PTPRT: variants seen among roughly 807,000 people sequenced by gnomAD.
PTPRT encodes protein tyrosine phosphatase receptor type T.
Under a neutral mutation model 176.8 loss-of-function variants are expected in PTPRT, and 56 were observed. The observed-to-expected ratio is 0.32, with a 90% CI of 0.26 to 0.40. The LOEUF is 0.40. Among genes scored for constraint, PTPRT ranks in the 10% least tolerant of loss-of-function variants. PTPRT has a pLI of 1.00. For synonymous variants in PTPRT, 783 were observed against 739.0 expected (o/e 1.06, Z -0.96); for missense variants, 1,540 against 1,908.2 (o/e 0.81, Z 3.60).
At chr20:42,342,737 C>G (rs928300605) in intron 11 of PTPRT, among the ~76,000 whole-genome samples, 1 of 152,158 alleles carries the variant, frequency 6.6e-6, no homozygotes, top group Non-Finnish European at 1.5e-5. Flanking sequence ...CCAGCAAAAC[C>G]CCTCTGTGAT....
At chr20:42,658,063 T>TCTAA (rs1036359195) in intron 7 of PTPRT, among the ~76,000 whole-genome samples, 1 of 152,286 alleles carries the variant, frequency 6.6e-6, no homozygotes, top group South Asian at 2.1e-4. Context: ...TGTACATATA[T>TCTAA]CTAACTGATT....
chr20:43,152,311 G>C (rs2014381572), intron 1 of PTPRT, among the ~76,000 whole-genome samples: 1 of 152,144 alleles, frequency 6.6e-6, no homozygotes, highest in South Asian at 2.1e-4. Flanking sequence ...TTTTCCCCTA[G>C]TATCTTTGTT....
At position 43,189,247 on chromosome 20, in the gene PTPRT, G is replaced by A. The variant is rs1055491329; in HGVS notation, c.88+399C>T. Reference sequence around the variant, plus strand: ...ACTAAAAGCGCGCGCTGCCCGAGGAGCTGCCCGGGAGAGAACGCTCCACCC... The same window carrying A: ...ACTAAAAGCGCGCGCTGCCCGAGGAACTGCCCGGGAGAGAACGCTCCACCC... On this transcript the variant is annotated intron_variant, in intron 1 of 30. Coordinates refer to ENST00000373187, the MANE Select transcript of PTPRT (RefSeq NM_007050.6). This position sits in a 1 kb window ranked among gnomAD's most constrained non-coding sequence, Gnocchi z 5.0. 1.4e-4 allele frequency among the ~76,000 whole-genome samples: 21 copies of A among 152,174 alleles called. No homozygotes were observed. Among genetic ancestry groups the A allele is most frequent in the African/African-American group, 4.6e-4 (19 of 41,466 alleles).
In PTPRT at chr20:43,137,351, T is replaced by G. The variant is rs546190713; in HGVS notation, c.88+52295A>C. Among the ~76,000 whole-genome samples, 25 of 152,332 alleles carry G rather than the reference T, an allele frequency of 1.6e-4. No homozygotes were observed. In the East Asian group the frequency reaches 4.8e-3, roughly 29 times the overall value. On this transcript the variant is annotated intron_variant, in intron 1 of 30. Transcript: ENST00000373187. ...TCTGCCTTTTTTTGTAAATAAAGTTTTATTTGAACACAGCCATGCCTACTA... is the reference window on the plus strand; with the variant it reads ...TCTGCCTTTTTTTGTAAATAAAGTTGTATTTGAACACAGCCATGCCTACTA...
chr20:43,114,021 A>C (rs1315116504), intron 1 of PTPRT, among the ~76,000 whole-genome samples: 3 of 152,236 alleles, frequency 2.0e-5, no homozygotes, highest in Non-Finnish European at 2.9e-5. Context: ...TATGTACATC[A>C]AACTATGGAT....
At chr20:42,509,855 G>A (rs1016328322) in intron 7 of PTPRT, among the ~76,000 whole-genome samples, 11 of 152,078 alleles carry the variant, frequency 7.2e-5, no homozygotes, top group African/African-American at 2.2e-4. Flanking sequence ...CTGGCGGGAA[G>A]TGTCTTGGTA....
chr20:42,571,359 A>C (rs2073149543), intron 7 of PTPRT, among the ~76,000 whole-genome samples: 1 of 152,214 alleles, frequency 6.6e-6, no homozygotes, highest in Admixed American at 6.5e-5. Flanking sequence ...GCCATGAGCC[A>C]AGGAATGCGT....
chr20:42,307,864 T>C (rs2057567222), intron 12 of PTPRT, among the ~76,000 whole-genome samples: 1 of 152,144 alleles, frequency 6.6e-6, no homozygotes. Context: ...ATGAAGATGT[T>C]GTTGATGAAA....
At chr20:43,160,201 T>G (rs1328872580) in intron 1 of PTPRT, among the ~76,000 whole-genome samples, 2 of 152,082 alleles carry the variant, frequency 1.3e-5, no homozygotes, top group Non-Finnish European at 2.9e-5. Flanking sequence ...CCACAACGGC[T>G]ATTTGTTTGG....
rs2075535501 is a variant in PTPRT at position 42,677,909 on chromosome 20, C to T, written c.1110G>A (p.Thr370=). 5.6e-6 allele frequency: 9 copies of T among 1,614,076 alleles called. No individual in the cohort carries two copies. Among genetic ancestry groups the T allele is most frequent in the African/African-American group, 1.3e-5 (1 of 75,032 alleles). Residue 370 remains threonine (T), a synonymous_variant, in exon 7 of 31, where the codon ACG becomes ACA. Transcript: ENST00000373187. ...VLLTRPGEGG[T]GPPGPPLTTR... is the part of the protein sequence containing the mutation. ...TGGTGAGGGGAGGCCCTGGCGGTCC[C>T]GTACCCCCCTCACCTGGTCGTGTGA...
intron 7 of PTPRT, among the ~76,000 whole-genome samples, chr20:42,642,789 T>C (rs922199621): frequency 5.9e-5 from 9 of 152,116 alleles, no homozygotes; most frequent in Non-Finnish European, 1.2e-4. Flanking sequence ...ACCAAAGTGA[T>C]ATTGATTGTG....
At chr20:42,932,664 T>C (rs1435719341) in intron 1 of PTPRT, among the ~76,000 whole-genome samples, 1 of 146,270 alleles carries the variant, frequency 6.8e-6, no homozygotes, top group Non-Finnish European at 1.5e-5. Flanking sequence ...CCCTGAATCC[T>C]GGCAAACCAC....
At chr20:42,388,384 A>G (rs2058765337) in intron 9 of PTPRT, among the ~76,000 whole-genome samples, 1 of 152,216 alleles carries the variant, frequency 6.6e-6, no homozygotes, top group African/African-American at 2.4e-5. Context: ...CATCTGACAA[A>G]GCGCTAATAT....
At chr20:42,219,286 T>A (rs552273993) in intron 15 of PTPRT, among the ~76,000 whole-genome samples, 2 of 152,210 alleles carry the variant, frequency 1.3e-5, no homozygotes, top group Non-Finnish European at 2.9e-5. Flanking sequence ...TTCTGCCTAC[T>A]GCTTCAAACA....
intron 7 of PTPRT, among the ~76,000 whole-genome samples, chr20:42,532,719 C>T (rs554306742): frequency 6.6e-6 from 1 of 152,228 alleles, no homozygotes; most frequent in Admixed American, 6.5e-5. Context: ...TTCTTTGTGT[C>T]ACAACCATAT....
Position 42,575,048 on chromosome 20 carries a change from T to TAGTA in PTPRT, c.1154-102490_1154-102487dup, listed in dbSNP as rs2073231746. Among the ~76,000 whole-genome samples, 5 of 152,274 alleles carry TAGTA rather than the reference T, an allele frequency of 3.3e-5. No homozygotes were observed. In the South Asian group the frequency reaches 1.0e-3, roughly 32 times the overall value. On this transcript the variant is annotated intron_variant, in intron 7 of 30. Transcript: ENST00000373187. ...TCTTTATAAATTACCCTGTCTCTGG[T>TAGTA]AGTATGTTTATAGTAGCGTGAGAAT... is the stretch of plus-strand genomic sequence containing the variant.
chr20:42,944,236 C>T (rs1055476461), intron 1 of PTPRT, among the ~76,000 whole-genome samples: 9 of 151,930 alleles, frequency 5.9e-5, no homozygotes, highest in Non-Finnish European at 8.8e-5. Flanking sequence ...AGCCGGGGGG[C>T]GGAAAGTGCT....
intron 12 of PTPRT, among the ~76,000 whole-genome samples, chr20:42,307,402 TTTG>T (rs1321683634): frequency 1.3e-5 from 2 of 152,116 alleles, no homozygotes; most frequent in Non-Finnish European, 2.9e-5. Flanking sequence ...CCAGTGAGAT[TTTG>T]TTGTTGTTAC....
At chr20:42,951,264 TG>T (rs1349224808) in intron 1 of PTPRT, among the ~76,000 whole-genome samples, 1 of 151,678 alleles carries the variant, frequency 6.6e-6, no homozygotes, top group Non-Finnish European at 1.5e-5. Flanking sequence ...GGTGGATGGA[TG>T]GATGGAGATG....
Sources: gnomAD v4.1 joint callset for allele counts (sites outside exome capture counted in the v4.1 genomes callset) on GRCh38, gnomAD v4.1.1 for gene constraint, Gnocchi (gnomAD v3.1) non-coding constraint, MANE v1.5 for transcripts, NCBI Gene and HGNC (gene_info 2026-07-23, HGNC 2026-07-21) for gene names.